The following BRWD3 variants were observed in gnomAD, a reference collection of about 807,000 sequenced individuals.
BRWD3 encodes bromodomain and WD repeat domain containing 3.
BRWD3 carries 10 observed loss-of-function variants against 149.7 expected under a neutral mutation model. That is an observed-to-expected ratio of 0.07 (90% CI 0.04 to 0.11). The LOEUF is 0.11. Ranked by LOEUF, BRWD3 falls within the 10% of genes least tolerant of loss-of-function variation. BRWD3 has a pLI of 1.00. For synonymous variants in BRWD3, 504 were observed against 456.7 expected, an observed-to-expected ratio of 1.10 and a Z score of -1.32; for missense variants, 940 against 1,373.2, an observed-to-expected ratio of 0.68 and a Z score of 4.99.
intron 6 of BRWD3, among the ~76,000 whole-genome samples, chrX:80,760,806 A>G: frequency 8.9e-6 from 1 of 111,931 alleles, no homozygotes; most frequent in Non-Finnish European, 1.9e-5. Flanking sequence ...AAAAATTACC[A>G]GTAATCTGCT....
intron 6 of BRWD3, among the ~76,000 whole-genome samples, chrX:80,765,151 G>A (rs983196633): frequency 2.7e-5 from 3 of 111,599 alleles, no homozygotes; most frequent in African/African-American, 9.8e-5. Context: ...AAGGAGGAAT[G>A]CTTCCACCAG....
At position 80,809,759 on chromosome X, in the gene BRWD3, A is replaced by AAGAG. The variant is rs1204009468; in HGVS notation, c.-292_-289dup. The AAGAG allele has an allele frequency of 0.019, 371 of 19,208 alleles. 58 individuals are homozygous for AAGAG. Among genetic ancestry groups the AAGAG allele is most frequent in the African/African-American group, 0.025 (64 of 2,547 alleles). The allele number at this position is 19,208 out of a possible 1,213,427, so 1.6% of individuals were successfully genotyped here. ...AGAAGAGAGAGAGAGAGAGAGGAAA[A>AAGAG]AGAGAGAGAGAGAGAGAGAGAGAGA... On this transcript the variant is annotated 5_prime_UTR_variant, in exon 1 of 41. Transcript: ENST00000373275.
chrX:80,762,135 G>GTTAA (rs1229317100), intron 6 of BRWD3, among the ~76,000 whole-genome samples: 5 of 111,603 alleles, frequency 4.5e-5, no homozygotes, highest in African/African-American at 1.3e-4. Context: ...CAACTTTATA[G>GTTAA]TTAAGATTGA....
intron 16 of BRWD3, 37 bp from the exon 17 acceptor site, chrX:80,722,824 G>A (rs1387138335): frequency 2.8e-6 from 3 of 1,087,803 alleles, no homozygotes; most frequent in Non-Finnish European, 2.5e-6. Flanking sequence ...ACATACACAG[G>A]GAATTTATAA....
In BRWD3 at chrX:80,714,752, T is replaced by C. The variant is rs375169797; in HGVS notation, c.2325+1405A>G. ...AATTTGATTCTTCGTCAAAGGCACA[T>C]AGACGCACACAAATTCATGCCATGT... On this transcript the variant is annotated intron_variant, in intron 20 of 40. Coordinates refer to ENST00000373275, the MANE Select transcript of BRWD3 (RefSeq NM_153252.5). 8.9e-5 allele frequency among the ~76,000 whole-genome samples: 10 copies of C among 112,020 alleles called. No individual in the cohort carries two copies. In the East Asian group the frequency reaches 1.7e-3, roughly 19 times the overall value.
chrX:80,753,555 G>C (rs1216922345), intron 6 of BRWD3, among the ~76,000 whole-genome samples: 2 of 111,655 alleles, frequency 1.8e-5, no homozygotes, highest in Non-Finnish European at 3.8e-5. Context: ...ACAGACATGA[G>C]CCACCACACC....
intron 4 of BRWD3, among the ~76,000 whole-genome samples, chrX:80,805,613 A>T (rs1440456287): frequency 8.9e-6 from 1 of 111,783 alleles, no homozygotes; most frequent in East Asian, 2.8e-4. Context: ...ACACTTTATA[A>T]ATCTATCATT....
At chrX:80,691,788 T>C (rs898491194) in intron 30 of BRWD3, 35 bp downstream of exon 30, 1 of 1,208,351 alleles carries the variant, frequency 8.3e-7, no homozygotes, top group Non-Finnish European at 1.1e-6. Flanking sequence ...CTAGCTCTCT[T>C]GCATGCTCCT....
intron 6 of BRWD3, among the ~76,000 whole-genome samples, chrX:80,787,374 T>C (rs1238374142): frequency 9.0e-6 from 1 of 111,343 alleles, no homozygotes; most frequent in African/African-American, 3.3e-5. Context: ...ATTCTAAAAT[T>C]TAGGTGGAAA....
intron 40 of BRWD3, among the ~76,000 whole-genome samples, chrX:80,678,363 T>A (rs1036070325): frequency 9.0e-6 from 1 of 111,168 alleles, no homozygotes; most frequent in African/African-American, 3.3e-5. Flanking sequence ...ACTGGGTGAA[T>A]GGTAGAGATA....
Position 80,709,659 on chromosome X carries a change from G to A in BRWD3, c.2326-82C>T, listed in dbSNP as rs1442653373. On this transcript the variant is annotated intron_variant, in intron 20 of 40. Transcript: ENST00000373275. ...GGAACATATATAAAGCAAATTAGGT[G>A]GGGGGTAGGGGTGAGTAGGAGATGA... 12 of 851,303 alleles carry A rather than the reference G, an allele frequency of 1.4e-5. No individual in the cohort carries two copies. The Admixed American group carries it at 3.2e-4, about 23-fold the overall frequency. 70.2% of individuals were successfully genotyped at this position (851,303 alleles called of 1,213,427 possible).
intron 6 of BRWD3, among the ~76,000 whole-genome samples, chrX:80,766,975 T>C (rs2073867092): frequency 8.9e-6 from 1 of 112,384 alleles, no homozygotes; most frequent in African/African-American, 3.2e-5. Context: ...CACCTGTCTC[T>C]GCGAATCCCA....
chrX:80,805,008 T>C (rs374951705), intron 4 of BRWD3, among the ~76,000 whole-genome samples: 2 of 112,168 alleles, frequency 1.8e-5, no homozygotes, highest in South Asian at 3.7e-4. Flanking sequence ...ACCAAAATGC[T>C]TCATCATGTA....
intron 6 of BRWD3, among the ~76,000 whole-genome samples, chrX:80,775,792 T>C (rs1317636694): frequency 8.9e-6 from 1 of 112,068 alleles, no homozygotes; most frequent in African/African-American, 3.2e-5. Context: ...GTCACTATTA[T>C]CATTACCAAT....
intron 4 of BRWD3, among the ~76,000 whole-genome samples, chrX:80,795,535 A>G (rs1286642308): frequency 9.2e-6 from 1 of 109,229 alleles, no homozygotes; most frequent in Non-Finnish European, 1.9e-5. Flanking sequence ...ATATGTGTGT[A>G]TATATATGCC....
rs778323529 is a variant in BRWD3 at position 80,691,957 on chromosome X, C to T, written c.3347G>A (p.Gly1116Asp). The T allele has an allele frequency of 1.7e-6, 2 of 1,203,965 alleles. No individual in the cohort carries two copies. Among genetic ancestry groups the T allele is most frequent in the Admixed American group, 2.2e-5 (1 of 44,964 alleles). ...TTCCTGGGAGACAGGAACACCAGCA[C>T]CAACTTCATCTGGAAAGGCAGCTAG... ...PEGTAFPDEV[G>D]AGVPVSQEEL... The change falls in exon 30 of 41, where the codon GGT becomes GAT. Residue 1116 changes from glycine (G) to aspartate (D), a missense_variant. Gly to Asp is a moderately conservative substitution (Grantham distance 94, BLOSUM62 -1). Around this residue, in one of 6 missense-constraint regions of BRWD3, gnomAD observed 158 missense variants for 284.0 expected, o/e 0.56. Coordinates refer to ENST00000373275, the MANE Select transcript of BRWD3 (RefSeq NM_153252.5).
intron 6 of BRWD3, chrX:80,746,717 C>A (rs1347593636): frequency 4.5e-6 from 1 of 220,281 alleles, no homozygotes; most frequent in African/African-American, 3.0e-5. Flanking sequence ...AAAATAGCTT[C>A]ATGTTCAAGC....
At chrX:80,802,008 T>C (rs1346062212) in intron 4 of BRWD3, among the ~76,000 whole-genome samples, 1 of 112,342 alleles carries the variant, frequency 8.9e-6, no homozygotes, top group African/African-American at 3.2e-5. Context: ...AAAAAATGCA[T>C]ATTACACTAA....
intron 3 of BRWD3, 36 bp from the exon 4 acceptor site, chrX:80,808,634 G>A (rs760865847): frequency 5.1e-6 from 6 of 1,169,971 alleles, no homozygotes; most frequent in African/African-American, 3.6e-5. Context: ...GGAAGCGGAG[G>A]CAAATGATGA....
Sources: allele counts gnomAD v4.1 joint callset (sites outside exome capture counted in the v4.1 genomes callset), GRCh38; gene constraint gnomAD v4.1.1; regional missense constraint gnomAD v4.1.1; transcripts MANE v1.5; gene names NCBI Gene and HGNC (gene_info 2026-07-23, HGNC 2026-07-21).